DLGAP1: variants seen among roughly 807,000 people sequenced by gnomAD.
DLGAP1 encodes the protein DLG associated protein 1.
A neutral mutation model predicts 90.8 loss-of-function variants in DLGAP1; 11 were observed. The observed-to-expected ratio is 0.12, with a 90% CI of 0.08 to 0.20. The LOEUF is 0.20. Ranked by LOEUF, DLGAP1 falls within the 10% of genes least tolerant of loss-of-function variation. The pLI is 1.00. For missense variants in DLGAP1, 1,050 were observed against 1,333.8 expected, an observed-to-expected ratio of 0.79 and a Z score of 3.31; for synonymous variants, 558 against 540.7, an observed-to-expected ratio of 1.03 and a Z score of -0.44.
At chr18:4,353,330 C>A (rs1481926272) in intron 1 of DLGAP1, among the ~76,000 whole-genome samples, 1 of 152,142 alleles carries the variant, frequency 6.6e-6, no homozygotes, top group African/African-American at 2.4e-5. Context: ...TGATCACCCA[C>A]CCCAAGCTGA....
At chr18:3,625,882 G>GT (rs1442979962) in intron 7 of DLGAP1, among the ~76,000 whole-genome samples, 1 of 152,178 alleles carries the variant, frequency 6.6e-6, no homozygotes, top group African/African-American at 2.4e-5. Context: ...GAGTTGAATA[G>GT]TTTTTTCAAA....
At chr18:3,738,085 T>A (rs2062736724) in intron 6 of DLGAP1, among the ~76,000 whole-genome samples, 1 of 151,840 alleles carries the variant, frequency 6.6e-6, no homozygotes, top group Non-Finnish European at 1.5e-5. Context: ...AAGGACCTCT[T>A]CAAGAAGAAC....
chr18:4,208,858 TTAAC>T (rs2077779250), intron 1 of DLGAP1, among the ~76,000 whole-genome samples: 1 of 151,738 alleles, frequency 6.6e-6, no homozygotes, highest in Admixed American at 6.6e-5. Flanking sequence ...AGCCAACTAT[TTAAC>T]TACCTAGACA....
At chr18:3,546,398 G>A (rs1001503176) in intron 9 of DLGAP1, among the ~76,000 whole-genome samples, 1 of 135,786 alleles carries the variant, frequency 7.4e-6, no homozygotes, top group East Asian at 2.2e-4. Flanking sequence ...CTTGGTGACA[G>A]TGCCAAACCT....
At chr18:4,444,203 G>T (rs2083605830) in intron 1 of DLGAP1, among the ~76,000 whole-genome samples, 1 of 144,134 alleles carries the variant, frequency 6.9e-6, no homozygotes, top group African/African-American at 2.5e-5. Context: ...GGGCATGACT[G>T]CTTTTCAGTG....
chr18:3,982,831 G>A (rs939858838), intron 3 of DLGAP1, among the ~76,000 whole-genome samples: 1 of 152,104 alleles, frequency 6.6e-6, no homozygotes, highest in African/African-American at 2.4e-5. Flanking sequence ...AGAATGTGAT[G>A]GAATGGTGGA....
chr18:4,385,899 G>C (rs1014628262), intron 1 of DLGAP1, among the ~76,000 whole-genome samples: 6 of 152,116 alleles, frequency 3.9e-5, no homozygotes, highest in Non-Finnish European at 2.9e-5. Context: ...CTTTTGTAGA[G>C]AATATGAACT....
chr18:4,069,838 A>G (rs1428749713), intron 2 of DLGAP1, among the ~76,000 whole-genome samples: 1 of 152,204 alleles, frequency 6.6e-6, no homozygotes, highest in African/African-American at 2.4e-5. Flanking sequence ...TTTGTTTCTC[A>G]TGAGGTGCCC....
Position 3,814,142 on chromosome 18 carries a change from A to G in DLGAP1, c.1089T>C (p.Pro363=), listed in dbSNP as rs2066976182. Residue 363 remains proline, a synonymous_variant, in exon 5 of 13, where the codon CCT becomes CCC. Transcript: ENST00000315677. ...GCGCAGCAACTTTTGGAGAAGGCTT[A>G]GGACTCGTGTCTGAGTCTCCACTGT... ...DEDSGDSDTS[P]KPSPKVAARR... 3.1e-6 allele frequency: 5 copies of G among 1,614,122 alleles called. No individual in the cohort carries two copies. The highest frequency in any genetic ancestry group is 4.2e-6 in the Non-Finnish European group (5 of 1,180,012).
intron 7 of DLGAP1, 152 bp downstream of exon 7, chr18:3,728,983 G>A: frequency 8.3e-7 from 1 of 1,203,050 alleles, no homozygotes; most frequent in South Asian, 1.6e-5. Context: ...GGGGATAGAG[G>A]CAGATAGGGA....
intron 7 of DLGAP1, chr18:3,596,899 C>G (rs1188984811): frequency 1.9e-6 from 1 of 520,134 alleles, no homozygotes; most frequent in Non-Finnish European, 3.8e-6. Context: ...CCAGCATGAT[C>G]TAGCAGGCCA....
chr18:4,262,644 C>T (rs552723329), intron 1 of DLGAP1, among the ~76,000 whole-genome samples: 1 of 152,310 alleles, frequency 6.6e-6, no homozygotes, highest in Non-Finnish European at 1.5e-5. Flanking sequence ...AGGGACACAG[C>T]AACATCCAGG....
intron 5 of DLGAP1, among the ~76,000 whole-genome samples, chr18:3,769,851 G>GA (rs1479358976): frequency 6.6e-6 from 1 of 151,792 alleles, no homozygotes; most frequent in Non-Finnish European, 1.5e-5. Context: ...CGGTGGGTGG[G>GA]GGGGGAAAAC....
At chr18:4,024,786 A>C (rs968564175) in intron 2 of DLGAP1, among the ~76,000 whole-genome samples, 1 of 152,148 alleles carries the variant, frequency 6.6e-6, no homozygotes, top group Non-Finnish European at 1.5e-5. Context: ...CCAGACTTAG[A>C]GGTGGGAGTG....
In DLGAP1 at chr18:4,228,250, C is replaced by T. The variant is rs145016221; in HGVS notation, c.-266-76963G>A. Reference sequence around the variant, plus strand: ...CAAAGATAAGCCTGGGACCTGATGGCTTCACTGCTGAATGTTACCAAACAT... The same window carrying T: ...CAAAGATAAGCCTGGGACCTGATGGTTTCACTGCTGAATGTTACCAAACAT... On this transcript the variant is annotated intron_variant, in intron 1 of 12. Coordinates refer to ENST00000315677, the MANE Select transcript of DLGAP1 (RefSeq NM_004746.4). 1.6e-3 allele frequency among the ~76,000 whole-genome samples: 246 copies of T among 152,048 alleles called. 1 individual carries two copies. Among genetic ancestry groups the T allele is most frequent in the African/African-American group, 5.7e-3 (237 of 41,522 alleles).
chr18:3,824,948 A>C (rs964276610), intron 4 of DLGAP1, among the ~76,000 whole-genome samples: 1 of 152,236 alleles, frequency 6.6e-6, no homozygotes, highest in African/African-American at 2.4e-5. Flanking sequence ...GTCCTCATGC[A>C]CATGTGTGAT....
intron 3 of DLGAP1, among the ~76,000 whole-genome samples, chr18:3,913,653 C>T (rs564617914): frequency 9.2e-5 from 14 of 152,232 alleles, no homozygotes; most frequent in South Asian, 2.1e-4. Flanking sequence ...TCTCAGCTGA[C>T]GGAAGCAAAA....
chr18:4,336,354 A>G (rs545015344), intron 1 of DLGAP1, among the ~76,000 whole-genome samples: 4 of 152,350 alleles, frequency 2.6e-5, no homozygotes, highest in South Asian at 4.1e-4. Context: ...CTGTAGAAAC[A>G]ACACTTTGAG....
At chr18:3,544,719 T>TTTA (rs1555674763) in intron 9 of DLGAP1, among the ~76,000 whole-genome samples, 3 of 143,108 alleles carry the variant, frequency 2.1e-5, no homozygotes, top group Non-Finnish European at 4.5e-5. Flanking sequence ...TGTACTTTGC[T>TTTA]TTTATTTATT....
Sources: gnomAD v4.1 joint callset for allele counts (sites outside exome capture counted in the v4.1 genomes callset) on GRCh38, gnomAD v4.1.1 for gene constraint, MANE v1.5 for transcripts, NCBI Gene and HGNC (gene_info 2026-07-23, HGNC 2026-07-21) for gene names.